The following EEFSEC variants were observed in gnomAD, a reference collection of about 807,000 sequenced individuals.
EEFSEC encodes the protein selenocysteine-specific elongation factor.
EEFSEC carries 43 observed loss-of-function variants against 42.1 expected under a neutral mutation model. The ratio of observed to expected loss-of-function variants is 1.02; its 90% CI spans 0.80 to 1.32. EEFSEC has a LOEUF of 1.32. Ranked by LOEUF, EEFSEC falls within the 40% of genes most tolerant of loss-of-function variation. The pLI, the probability that EEFSEC is intolerant of heterozygous loss-of-function variation, is 0.00. For missense variants in EEFSEC, 745 were observed against 803.6 expected, an observed-to-expected ratio of 0.93 and a Z score of 0.88; for synonymous variants, 354 against 339.1, an observed-to-expected ratio of 1.04 and a Z score of -0.48.
At chr3:128,255,882 T>A (rs901672017) in intron 2 of EEFSEC, among the ~76,000 whole-genome samples, 5 of 152,112 alleles carry the variant, frequency 3.3e-5, no homozygotes, top group Non-Finnish European at 7.4e-5. Context: ...CATGGGTTCC[T>A]GGAAGGCCCC....
intron 1 of EEFSEC, among the ~76,000 whole-genome samples, chr3:128,164,034 G>A (rs2065220205): frequency 6.6e-6 from 1 of 152,084 alleles, no homozygotes; most frequent in African/African-American, 2.4e-5. Flanking sequence ...TAAGTGTACA[G>A]TGTGTGGCAT....
intron 1 of EEFSEC, among the ~76,000 whole-genome samples, chr3:128,238,971 A>T (rs1306643821): frequency 6.6e-6 from 1 of 152,170 alleles, no homozygotes; most frequent in Non-Finnish European, 1.5e-5. Context: ...GCATCATGGG[A>T]CCAGGACAGC....
Position 128,163,478 on chromosome 3 carries a change from A to G in EEFSEC, c.316+9655A>G, listed in dbSNP as rs184000975. 1.1e-4 allele frequency among the ~76,000 whole-genome samples: 17 copies of G among 152,176 alleles called. No individual in the cohort carries two copies. In the South Asian group the frequency reaches 1.9e-3, roughly 17 times the overall value. On this transcript the variant is annotated intron_variant, in intron 1 of 6. Transcript: ENST00000254730. ...CATACAGCAGATAATAATTTTAAAA[A>G]CATTTTTAATTTTATATAGTGTTTA...
chr3:128,364,297 C>G lies in EEFSEC; in HGVS notation c.1600+5924C>G, dbSNP rs574535722. 2.2e-4 allele frequency among the ~76,000 whole-genome samples: 34 copies of G among 152,286 alleles called. No individual in the cohort carries two copies. In the East Asian group the frequency reaches 6.4e-3, roughly 29 times the overall value. Reference sequence around the variant, plus strand: ...AGGCAGAGACATGAGCAGCCATTCACAGTCAGCATGGCAAGTGGCCACTGG... The same window carrying G: ...AGGCAGAGACATGAGCAGCCATTCAGAGTCAGCATGGCAAGTGGCCACTGG... On this transcript the variant is annotated intron_variant, in intron 6 of 6. Transcript: ENST00000254730.
intron 1 of EEFSEC, among the ~76,000 whole-genome samples, chr3:128,228,803 G>A (rs939695621): frequency 2.6e-5 from 4 of 152,152 alleles, no homozygotes; most frequent in Non-Finnish European, 4.4e-5. Context: ...TGTATCCTAG[G>A]ACTGAGTTCA....
intron 1 of EEFSEC, among the ~76,000 whole-genome samples, chr3:128,217,213 C>T (rs1036919481): frequency 5.9e-5 from 9 of 151,960 alleles, no homozygotes; most frequent in East Asian, 1.9e-4. Context: ...AGCAATAGGG[C>T]GAGATAGGAT....
chr3:128,252,198 A>G (rs572115094), intron 2 of EEFSEC, among the ~76,000 whole-genome samples: 1 of 152,284 alleles, frequency 6.6e-6, no homozygotes, highest in African/African-American at 2.4e-5. Flanking sequence ...CAGGGACTCC[A>G]TTGATCCTGC....
rs578191693 is a variant in EEFSEC, at chr3:128,264,740, T to C, written c.745T>C (p.Ser249Pro). ...GATGACAGGGACCATCCTTTCAGGC[T>C]CCATCAGCCTCGGTGACAGTGTGGA... is the stretch of plus-strand genomic sequence containing the variant. ...TVMTGTILSG[S>P]ISLGDSVEIP... Residue 249 changes from serine (S) to proline (P), a missense_variant, in exon 4 of 7, where the codon TCC (serine) becomes CCC (proline). Physicochemically the swap from Ser to Pro is moderately conservative, Grantham distance 74. Coordinates refer to ENST00000254730, the MANE Select transcript of EEFSEC (RefSeq NM_021937.5). The C allele has an allele frequency of 9.3e-6, 15 of 1,614,126 alleles. No homozygotes were observed. In the South Asian group the frequency reaches 1.6e-4, roughly 18 times the overall value.
At chr3:128,228,844 G>A (rs980528799) in intron 1 of EEFSEC, among the ~76,000 whole-genome samples, 3 of 152,254 alleles carry the variant, frequency 2.0e-5, no homozygotes, top group Non-Finnish European at 4.4e-5. Flanking sequence ...CACTTAGAAC[G>A]GAGCCTAGTT....
At chr3:128,201,469 C>T (rs1437598645) in intron 1 of EEFSEC, among the ~76,000 whole-genome samples, 1 of 151,980 alleles carries the variant, frequency 6.6e-6, no homozygotes, top group Non-Finnish European at 1.5e-5. Flanking sequence ...TGACTAATAA[C>T]ATTGAATACT....
At chr3:128,341,919 C>A (rs766389391) in intron 5 of EEFSEC, 30 bp downstream of exon 5, 28 of 1,595,086 alleles carry the variant, frequency 1.8e-5, no homozygotes, top group Non-Finnish European at 2.1e-5. Flanking sequence ...GCCCCACACC[C>A]CTTCCCTTCT....
intron 1 of EEFSEC, among the ~76,000 whole-genome samples, chr3:128,164,421 G>A (rs184681966): frequency 6.0e-4 from 91 of 152,262 alleles, no homozygotes; most frequent in African/African-American, 2.0e-3. Context: ...GGAGACACAC[G>A]GCTGGGCCTG....
At chr3:128,222,752 G>A (rs1313857706) in intron 1 of EEFSEC, among the ~76,000 whole-genome samples, 6 of 152,210 alleles carry the variant, frequency 3.9e-5, no homozygotes, top group Non-Finnish European at 7.3e-5. Context: ...TATGGGTGGG[G>A]CCTTATATTC....
intron 2 of EEFSEC, among the ~76,000 whole-genome samples, chr3:128,260,891 T>C (rs2066289384): frequency 6.6e-6 from 1 of 152,052 alleles, no homozygotes; most frequent in Non-Finnish European, 1.5e-5. Flanking sequence ...ATGTCCTTGC[T>C]GTATCATTTT....
intron 4 of EEFSEC, among the ~76,000 whole-genome samples, chr3:128,284,451 G>T (rs927219470): frequency 6.6e-6 from 1 of 151,234 alleles, no homozygotes; most frequent in South Asian, 2.1e-4. Flanking sequence ...AGTGCTGGGG[G>T]TTGGGGGTGG....
intron 6 of EEFSEC, among the ~76,000 whole-genome samples, chr3:128,394,650 C>T (rs1009009591): frequency 6.6e-6 from 1 of 152,132 alleles, no homozygotes; most frequent in African/African-American, 2.4e-5. Context: ...TATTAAAATT[C>T]GGCTCCCTTG....
intron 4 of EEFSEC, among the ~76,000 whole-genome samples, 158 bp downstream of exon 4, chr3:128,264,939 C>G (rs1414148649): frequency 6.6e-6 from 1 of 152,174 alleles, no homozygotes. Context: ...CTGGCCCCGC[C>G]CGGCTCCAAG....
intron 1 of EEFSEC, among the ~76,000 whole-genome samples, chr3:128,177,168 T>C (rs927628600): frequency 4.6e-5 from 7 of 151,956 alleles, no homozygotes; most frequent in African/African-American, 1.5e-4. Flanking sequence ...TTCAATGTTG[T>C]GGGGAGGCTT....
intron 6 of EEFSEC, among the ~76,000 whole-genome samples, chr3:128,381,618 G>A (rs1270501332): frequency 6.6e-6 from 1 of 152,228 alleles, no homozygotes; most frequent in Non-Finnish European, 1.5e-5. Context: ...AGTGGCAAGA[G>A]AGACAGCTTT....
Sources: allele counts gnomAD v4.1 joint callset (sites outside exome capture counted in the v4.1 genomes callset), GRCh38; gene constraint gnomAD v4.1.1; transcripts MANE v1.5; gene names NCBI Gene and HGNC (gene_info 2026-07-23, HGNC 2026-07-21).